Variants in SYNE1 observed in about 807,000 individuals in gnomAD.
SYNE1 encodes nesprin-1.
SYNE1 carries 616 observed loss-of-function variants against 1,111.0 expected under a neutral mutation model. That is an observed-to-expected ratio of 0.55 (90% confidence interval 0.52 to 0.59). The LOEUF is 0.59. Among genes scored for constraint, SYNE1 ranks in the 20% least tolerant of loss-of-function variants. SYNE1 has a pLI of 0.00. For missense variants in SYNE1, 10,006 were observed against 10,417.0 expected (o/e 0.96, Z 1.72); for synonymous variants, 3,855 against 3,825.8 (o/e 1.01, Z -0.28).
intron 14 of SYNE1, chr6:152,478,561 T>C (rs1593521653): frequency 6.6e-6 from 1 of 152,420 alleles, no homozygotes; most frequent in East Asian, 1.9e-4. Flanking sequence ...CGGGCACAGA[T>C]GCAATTGCGT....
chr6:152,449,676 G>A (rs1396340144), intron 27 of SYNE1, 35 bp from the exon 28 acceptor site: 1 of 1,425,558 alleles, frequency 7.0e-7, no homozygotes, highest in East Asian at 2.3e-5. Flanking sequence ...ATTAAAGGGA[G>A]AACATACCAG....
At chr6:152,155,761 C>A (rs752631148) in intron 132 of SYNE1, 149 bp downstream of exon 132, 21 of 927,848 alleles carry the variant, frequency 2.3e-5, no homozygotes, top group Non-Finnish European at 3.4e-5. Context: ...ATTTTCCCAA[C>A]TAAATGTAGA....
chr6:152,580,887 C>A (rs1452212418), intron 3 of SYNE1, among the ~76,000 whole-genome samples: 1 of 152,132 alleles, frequency 6.6e-6, no homozygotes, highest in African/African-American at 2.4e-5. Context: ...TGTTACAGAG[C>A]CACAAATGAC....
At chr6:152,263,797 A>T (rs1157915497) in intron 100 of SYNE1, among the ~76,000 whole-genome samples, 1 of 151,842 alleles carries the variant, frequency 6.6e-6, no homozygotes, top group Non-Finnish European at 1.5e-5. Flanking sequence ...CTGTGCCTCA[A>T]TCTTCTCATC....
intron 73 of SYNE1, 37 bp downstream of exon 73, chr6:152,347,022 A>T: frequency 6.2e-7 from 1 of 1,612,384 alleles, no homozygotes; most frequent in Non-Finnish European, 8.5e-7. Context: ...TCTCCCCATA[A>T]TTCCTTGTCA....
intron 110 of SYNE1, 109 bp from the exon 111 acceptor site, chr6:152,234,909 T>C (rs1300606595): frequency 3.1e-6 from 4 of 1,307,454 alleles, no homozygotes; most frequent in Middle Eastern, 2.1e-4. Context: ...TCTGAAGATT[T>C]AGAAGAAAAA....
chr6:152,355,038 T>A (rs2096810455), intron 66 of SYNE1, 62 bp from the exon 67 acceptor site: 12 of 1,588,456 alleles, frequency 7.6e-6, no homozygotes, highest in African/African-American at 1.3e-5. Context: ...TGGGTTAGCA[T>A]GTCTTGCCCA....
intron 95 of SYNE1, among the ~76,000 whole-genome samples, chr6:152,287,183 C>CT (rs535000335): frequency 2.4e-4 from 36 of 149,806 alleles, no homozygotes; most frequent in Non-Finnish European, 4.3e-4. Context: ...TATTTTCAAA[C>CT]TTTTTTTTTT....
chr6:152,401,319 T>G lies in SYNE1; in HGVS notation c.6848A>C (p.Gln2283Pro). 2 of 1,613,912 alleles carry G rather than the reference T, an allele frequency of 1.2e-6. No homozygotes were observed. The highest frequency in any genetic ancestry group is 1.7e-6 in the Non-Finnish European group (2 of 1,180,008). ...DLQFIEADLM[Q>P]KLEHAKEITE... The stretch of plus-strand genomic sequence containing the variant: ...TATTTCTTTGGCATGCTCCAGTTTC[T>G]GCATTAAGTCTGCTTCTATAAACTA... Residue 2283 changes from glutamine (Q) to proline (P), a missense_variant, in exon 47 of 146, where the codon CAG (glutamine) becomes CCG (proline). Physicochemically the swap from Gln to Pro is moderately conservative, Grantham distance 76. Coordinates refer to ENST00000367255, the MANE Select transcript of SYNE1 (RefSeq NM_182961.4).
Position 152,472,385 on chromosome 6 carries a change from T to C in SYNE1, c.1379A>G (p.Lys460Arg). ...CCGGTAGATTTCATGGAATGCTCTT[T>C]TGTGGGCATCCGTGTTTTGAAGCAG... ...KDLLQNTDAH[K>R]RAFHEIYRTR... The change falls in exon 15 of 146, where the codon AAA (lysine) becomes AGA (arginine). Residue 460 changes from lysine to arginine, a missense_variant. Transcript: ENST00000367255. 1 of 1,614,040 alleles carries C rather than the reference T, an allele frequency of 6.2e-7. No homozygotes were observed. The highest frequency in any genetic ancestry group is 8.5e-7 in the Non-Finnish European group (1 of 1,179,968).
At chr6:152,214,286 T>C (rs1272783769) in intron 122 of SYNE1, among the ~76,000 whole-genome samples, 1 of 152,166 alleles carries the variant, frequency 6.6e-6, no homozygotes, top group Non-Finnish European at 1.5e-5. Context: ...GTATATACTT[T>C]TAATATATTC....
At chr6:152,376,633 C>G in intron 57 of SYNE1, 75 bp from the exon 58 acceptor site, 1 of 1,584,948 alleles carries the variant, frequency 6.3e-7, no homozygotes. Context: ...GATAGAATCA[C>G]CAGTTCTTAG....
At chr6:152,280,122 C>T (rs763622173) in intron 97 of SYNE1, among the ~76,000 whole-genome samples, 13 of 152,286 alleles carry the variant, frequency 8.5e-5, no homozygotes, top group South Asian at 4.1e-4. Flanking sequence ...CAAAGGACAT[C>T]ACGTGGTTCC....
At chr6:152,502,285 G>A (rs74877502) in intron 10 of SYNE1, among the ~76,000 whole-genome samples, 1,944 of 152,254 alleles carry the variant, frequency 0.013, 37 homozygotes, top group African/African-American at 0.044. Context: ...CAACCAGAGC[G>A]AGGGGATTAA....
intron 107 of SYNE1, among the ~76,000 whole-genome samples, chr6:152,241,218 T>A (rs956627004): frequency 1.3e-5 from 2 of 152,204 alleles, no homozygotes; most frequent in African/African-American, 4.8e-5. Context: ...ACACCAGCTG[T>A]GGACTTTAAA....
chr6:152,529,570 A>G (rs2099186033), intron 4 of SYNE1, among the ~76,000 whole-genome samples: 1 of 152,218 alleles, frequency 6.6e-6, no homozygotes, highest in Non-Finnish European at 1.5e-5. Flanking sequence ...ATGATTCACT[A>G]GGACTCAGAA....
chr6:152,463,740 G>A (rs922210494), intron 18 of SYNE1, among the ~76,000 whole-genome samples: 3 of 152,048 alleles, frequency 2.0e-5, no homozygotes, highest in Admixed American at 6.6e-5. Flanking sequence ...ATCATTTGCC[G>A]AAGACAAAAC....
intron 139 of SYNE1, 30 bp from the exon 140 acceptor site, chr6:152,140,191 T>C: frequency 6.2e-7 from 1 of 1,606,874 alleles, no homozygotes; most frequent in South Asian, 1.1e-5. Context: ...ACAGTGAGGT[T>C]ATTTTCCTCT....
intron 102 of SYNE1, among the ~76,000 whole-genome samples, chr6:152,256,364 AG>A (rs1202788385): frequency 2.0e-5 from 3 of 152,048 alleles, no homozygotes; most frequent in Admixed American, 6.5e-5. Flanking sequence ...CAGGAGGCGG[AG>A]GTTGCAATGA....
Sources: gnomAD v4.1 joint callset for allele counts (sites outside exome capture counted in the v4.1 genomes callset) on GRCh38, gnomAD v4.1.1 for gene constraint, MANE v1.5 for transcripts, NCBI Gene and HGNC (gene_info 2026-07-23, HGNC 2026-07-21) for gene names.